DNAJC24: variants seen among roughly 807,000 people sequenced by gnomAD.
The protein encoded by DNAJC24 is dnaJ homolog subfamily C member 24.
DNAJC24 carries 17 observed loss-of-function variants against 18.0 expected under a neutral mutation model. That is an observed-to-expected ratio of 0.94 (90% CI 0.65 to 1.42). The LOEUF (loss-of-function observed/expected upper bound fraction) is 1.42, where lower values mean the gene tolerates loss of function less well. DNAJC24 is among the 40% of genes most tolerant of loss of function. DNAJC24 has a pLI of 0.00. For synonymous variants in DNAJC24, 55 were observed against 57.7 expected (o/e 0.95, Z 0.21); for missense variants, 158 against 175.6 (o/e 0.90, Z 0.57).
chr11:31,394,997 C>A (rs1372219227), intron 2 of DNAJC24, among the ~76,000 whole-genome samples: 1 of 152,118 alleles, frequency 6.6e-6, no homozygotes, highest in East Asian at 1.9e-4. Flanking sequence ...CATAGTACCC[C>A]CAATTGGTAA....
At chr11:31,418,949 CCAA>C (rs1164483066) in intron 3 of DNAJC24, among the ~76,000 whole-genome samples, 10 of 152,012 alleles carry the variant, frequency 6.6e-5, no homozygotes, top group African/African-American at 1.2e-4. Flanking sequence ...TAAAACCCCA[CCAA>C]CAAGTATCAG....
intron 2 of DNAJC24, among the ~76,000 whole-genome samples, chr11:31,387,825 G>T (rs1952444746): frequency 6.6e-6 from 1 of 152,102 alleles, no homozygotes; most frequent in African/African-American, 2.4e-5. Flanking sequence ...TACAAATAGA[G>T]AATTCAAAAT....
intron 2 of DNAJC24, among the ~76,000 whole-genome samples, chr11:31,403,336 T>A (rs1952621404): frequency 6.6e-6 from 1 of 152,164 alleles, no homozygotes. Flanking sequence ...GGGCAGCTCA[T>A]GCTAAAGACC....
intron 2 of DNAJC24, among the ~76,000 whole-genome samples, chr11:31,402,568 G>A (rs539144340): frequency 4.6e-5 from 7 of 152,262 alleles, no homozygotes; most frequent in East Asian, 1.9e-4. Context: ...GCGGGCAGTG[G>A]TGTGATCATA....
intron 1 of DNAJC24, 56 bp from the exon 2 acceptor site, chr11:31,370,660 T>A: frequency 2.4e-6 from 2 of 821,088 alleles, no homozygotes; most frequent in Non-Finnish European, 3.7e-6. Flanking sequence ...CAGTACTTAA[T>A]TTTTTCTTAG....
chr11:31,405,329 C>T (rs987520741), intron 2 of DNAJC24, among the ~76,000 whole-genome samples: 3 of 151,718 alleles, frequency 2.0e-5, no homozygotes, highest in Non-Finnish European at 4.4e-5. Context: ...CTTGGCCTCC[C>T]AAAGTGCTGG....
rs570101796 is a variant in DNAJC24 at position 31,393,642 on chromosome 11, G to C, written c.112-21169G>C. On this transcript the variant is annotated intron_variant, in intron 2 of 4. Coordinates refer to ENST00000465995, the MANE Select transcript of DNAJC24 (RefSeq NM_181706.5). The stretch of plus-strand genomic sequence containing the variant: ...ATGCAGCGTGCATGGTGTCATCTCG[G>C]AAGCAGAGATACTGGGCTCTGACCT... 2.0e-5 allele frequency among the ~76,000 whole-genome samples: 3 copies of C among 152,186 alleles called. No individual in the cohort carries two copies. In the South Asian group the frequency reaches 6.3e-4, roughly 32 times the overall value.
intron 3 of DNAJC24, among the ~76,000 whole-genome samples, chr11:31,424,287 G>A (rs1564958747): frequency 1.3e-5 from 2 of 152,034 alleles, no homozygotes; most frequent in Non-Finnish European, 2.9e-5. Flanking sequence ...AGATACCCTG[G>A]AATACAGGTG....
chr11:31,420,835 G>A (rs1049828275), intron 3 of DNAJC24, among the ~76,000 whole-genome samples: 4 of 152,066 alleles, frequency 2.6e-5, no homozygotes, highest in East Asian at 1.9e-4. Context: ...AGATAGTCAC[G>A]TACGAGGGAT....
intron 2 of DNAJC24, among the ~76,000 whole-genome samples, chr11:31,377,381 C>T (rs1029108196): frequency 4.6e-5 from 7 of 151,942 alleles, no homozygotes; most frequent in Non-Finnish European, 1.5e-5. Flanking sequence ...TACATATTTA[C>T]GTAAAGTGCA....
rs560232621 is a variant in DNAJC24, at chr11:31,417,034, GATAA to G, written c.250+2089_250+2092del. The G allele has an allele frequency of 3.3e-5, 5 of 152,150 alleles. No individual in the cohort carries two copies. In the East Asian group the frequency reaches 9.7e-4, roughly 29 times the overall value. 9.4% of individuals were successfully genotyped at this position (152,150 alleles called of 1,614,324 possible). A position where few individuals can be genotyped will look rare whatever the true frequency, so the allele number is the denominator to read the frequency against. On this transcript the variant is annotated intron_variant, in intron 3 of 4. Transcript: ENST00000465995. ...AGAGTTGGACCTGATTCATGATTCA[GATAA>G]ATAGTTTGGAATTTATACAATATCA...
intron 3 of DNAJC24, among the ~76,000 whole-genome samples, chr11:31,420,048 C>T (rs1291082500): frequency 6.6e-6 from 1 of 151,954 alleles, no homozygotes; most frequent in Non-Finnish European, 1.5e-5. Context: ...TATTTAAGAA[C>T]ATTTATAACT....
At chr11:31,424,947 G>A (rs1952846102) in intron 3 of DNAJC24, among the ~76,000 whole-genome samples, 2 of 151,798 alleles carry the variant, frequency 1.3e-5, no homozygotes, top group South Asian at 4.2e-4. Flanking sequence ...GGTGGGGAGT[G>A]GATTTTAGTA....
At chr11:31,382,243 G>C (rs1952384354) in intron 2 of DNAJC24, among the ~76,000 whole-genome samples, 1 of 152,136 alleles carries the variant, frequency 6.6e-6, no homozygotes, top group Non-Finnish European at 1.5e-5. Context: ...GGCCTCACTT[G>C]TACCATTTAT....
chr11:31,423,099 G>T (rs2862189), intron 3 of DNAJC24, among the ~76,000 whole-genome samples: 98,346 of 152,008 alleles, frequency 0.65, 33,673 homozygotes, highest in African/African-American at 0.89. Flanking sequence ...CCTTTTATTT[G>T]CTTATTTCTA....
intron 2 of DNAJC24, among the ~76,000 whole-genome samples, chr11:31,413,574 C>T (rs959514877): frequency 1.1e-4 from 17 of 151,886 alleles, no homozygotes; most frequent in Admixed American, 7.9e-4. Flanking sequence ...CCTTGTGATC[C>T]GCCCGCCTTG....
At chr11:31,422,986 C>T (rs1013488795) in intron 3 of DNAJC24, among the ~76,000 whole-genome samples, 2 of 152,098 alleles carry the variant, frequency 1.3e-5, no homozygotes, top group Non-Finnish European at 2.9e-5. Context: ...TACAGTTCTC[C>T]AGGGATCCAA....
chr11:31,380,334 G>A (rs1436056076), intron 2 of DNAJC24, among the ~76,000 whole-genome samples: 2 of 152,114 alleles, frequency 1.3e-5, no homozygotes, highest in African/African-American at 4.8e-5. Context: ...AACATGCAAC[G>A]AACTTACAGA....
chr11:31,396,795 C>T (rs1394704992), intron 2 of DNAJC24, among the ~76,000 whole-genome samples: 1 of 152,126 alleles, frequency 6.6e-6, no homozygotes, highest in East Asian at 1.9e-4. Flanking sequence ...TACTAAAAAA[C>T]TCTCTATGAT....
Sources: allele counts gnomAD v4.1 joint callset (sites outside exome capture counted in the v4.1 genomes callset), GRCh38; gene constraint gnomAD v4.1.1; transcripts MANE v1.5; gene names NCBI Gene and HGNC (gene_info 2026-07-23, HGNC 2026-07-21).